The following CADPS2 variants were observed in gnomAD, a reference collection of about 807,000 sequenced individuals.
CADPS2 encodes the protein calcium-dependent secretion activator 2.
CADPS2 carries 93 observed loss-of-function variants against 172.5 expected under a neutral mutation model. The ratio of observed to expected loss-of-function variants is 0.54; its 90% CI spans 0.46 to 0.64. CADPS2 has a LOEUF of 0.64. CADPS2 is among the 30% of genes least tolerant of loss of function. The pLI is 0.00. For missense variants in CADPS2, 1,420 were observed against 1,565.9 expected (o/e 0.91, Z 1.57); for synonymous variants, 546 against 555.2 (o/e 0.98, Z 0.23).
At position 122,886,154 on chromosome 7, in the gene CADPS2, A is replaced by AGGG; in HGVS notation, c.181_183dup (p.Pro61dup). The AGGG allele has an allele frequency of 1.9e-6, 3 of 1,542,382 alleles. No individual in the cohort carries two copies. Among genetic ancestry groups the AGGG allele is most frequent in the Non-Finnish European group, 2.6e-6 (3 of 1,144,304 alleles). On this transcript the variant is annotated inframe_insertion, in exon 1 of 30. Transcript: ENST00000449022. ...TCGTCTCGCCCCTCGCTGAGCACAG[A>AGGG]GGGGCTCGGGCTCACAGATCTGGCC...
chr7:122,513,509 G>T (rs2060146366), intron 8 of CADPS2, among the ~76,000 whole-genome samples, 194 bp from the exon 9 acceptor site: 3 of 152,184 alleles, frequency 2.0e-5, no homozygotes, highest in Admixed American at 2.0e-4. Flanking sequence ...TCTCGAAAGG[G>T]AATTGATTTA....
chr7:122,497,634 AG>A (rs1563513432), intron 9 of CADPS2, among the ~76,000 whole-genome samples: 1 of 152,156 alleles, frequency 6.6e-6, no homozygotes, highest in Non-Finnish European at 1.5e-5. Flanking sequence ...TCATTATTAA[AG>A]TATATGATCT....
intron 2 of CADPS2, among the ~76,000 whole-genome samples, chr7:122,725,019 G>A (rs1006056518): frequency 2.0e-5 from 3 of 151,998 alleles, no homozygotes; most frequent in East Asian, 3.9e-4. Context: ...CATTAACAAA[G>A]TTTAAAAAGG....
chr7:122,806,707 T>TC (rs2140079603), intron 1 of CADPS2, among the ~76,000 whole-genome samples: 1 of 152,302 alleles, frequency 6.6e-6, no homozygotes, highest in South Asian at 2.1e-4. Flanking sequence ...GCTAAGAATT[T>TC]CCCCCAGACC....
chr7:122,424,751 C>G (rs557575093), intron 17 of CADPS2, among the ~76,000 whole-genome samples: 1 of 150,058 alleles, frequency 6.7e-6, no homozygotes, highest in East Asian at 2.0e-4. Flanking sequence ...TCATTGAGAC[C>G]TTGGCTCTCC....
intron 6 of CADPS2, among the ~76,000 whole-genome samples, chr7:122,592,595 C>G (rs897311568): frequency 1.3e-5 from 2 of 152,054 alleles, no homozygotes; most frequent in African/African-American, 2.4e-5. Flanking sequence ...ACCCAAATGT[C>G]CATCAATGAT....
chr7:122,530,079 T>C (rs1017452419), intron 8 of CADPS2, among the ~76,000 whole-genome samples: 1 of 152,098 alleles, frequency 6.6e-6, no homozygotes, highest in African/African-American at 2.4e-5. Context: ...GATATCCTCA[T>C]ACTTAATACA....
intron 1 of CADPS2, among the ~76,000 whole-genome samples, chr7:122,881,206 A>G (rs1468732682): frequency 1.3e-5 from 2 of 152,302 alleles, no homozygotes; most frequent in East Asian, 3.9e-4. Context: ...AGGCAAACAA[A>G]ACGAAACTGA....
intron 11 of CADPS2, among the ~76,000 whole-genome samples, chr7:122,488,426 C>G (rs1436370570): frequency 6.6e-6 from 1 of 152,180 alleles, no homozygotes; most frequent in African/African-American, 2.4e-5. Context: ...CTGGGGAATA[C>G]CCAACAAGTT....
chr7:122,419,463 T>C (rs2048303831), intron 17 of CADPS2, among the ~76,000 whole-genome samples: 1 of 152,336 alleles, frequency 6.6e-6, no homozygotes, highest in African/African-American at 2.4e-5. Context: ...ATCACTTATC[T>C]TTCTTAATTT....
intron 7 of CADPS2, among the ~76,000 whole-genome samples, chr7:122,566,591 CTTATT>C (rs1213161475): frequency 6.6e-6 from 1 of 151,988 alleles, no homozygotes; most frequent in African/African-American, 2.4e-5. Flanking sequence ...ATACACAGGA[CTTATT>C]TTATTAATAT....
chr7:122,749,961 TAAAAA>T (rs34910927), intron 1 of CADPS2, among the ~76,000 whole-genome samples: 1 of 133,948 alleles, frequency 7.5e-6, no homozygotes, highest in Non-Finnish European at 1.6e-5. Context: ...CCTGTGAGGT[TAAAAA>T]AAAAAAAAAA....
At chr7:122,744,031 C>T (rs946582406) in intron 1 of CADPS2, among the ~76,000 whole-genome samples, 1 of 152,206 alleles carries the variant, frequency 6.6e-6, no homozygotes, top group East Asian at 1.9e-4. Context: ...CCATCTAATT[C>T]TACAAATATC....
intron 14 of CADPS2, among the ~76,000 whole-genome samples, chr7:122,456,320 G>T (rs961346513): frequency 6.6e-6 from 1 of 151,946 alleles, no homozygotes; most frequent in Non-Finnish European, 1.5e-5. Context: ...TGAATGTTAA[G>T]TGGGACTTAA....
chr7:122,648,500 CAAG>C (rs1563959127), intron 3 of CADPS2, among the ~76,000 whole-genome samples: 1 of 152,018 alleles, frequency 6.6e-6, no homozygotes, highest in Non-Finnish European at 1.5e-5. Flanking sequence ...TGTTGCTTCA[CAAG>C]AAGAGGAACC....
At chr7:122,764,613 CAG>C (rs1562962209) in intron 1 of CADPS2, among the ~76,000 whole-genome samples, 2 of 151,878 alleles carry the variant, frequency 1.3e-5, no homozygotes, top group Non-Finnish European at 2.9e-5. Context: ...GGTATAGCAA[CAG>C]AGAGGGAGAG....
At chr7:122,489,981 A>C in intron 11 of CADPS2, 100 bp downstream of exon 11, 1 of 957,206 alleles carries the variant, frequency 1.0e-6, no homozygotes, top group Non-Finnish European at 1.6e-6. Flanking sequence ...ATTAGGAATC[A>C]ATTAATGATG....
At chr7:122,813,040 C>T (rs531288830) in intron 1 of CADPS2, among the ~76,000 whole-genome samples, 33 of 152,248 alleles carry the variant, frequency 2.2e-4, no homozygotes, top group Non-Finnish European at 5.9e-5. Context: ...CAGGAAAAGC[C>T]TCAATAACAG....
At chr7:122,409,468 CT>C (rs543909692) in intron 19 of CADPS2, 2,317 of 249,498 alleles carry the variant, frequency 9.3e-3, no homozygotes, top group South Asian at 0.017. Flanking sequence ...ATGGAATACA[CT>C]TTTTTTTTTT....
Sources: gnomAD v4.1 joint callset for allele counts (sites outside exome capture counted in the v4.1 genomes callset) on GRCh38, gnomAD v4.1.1 for gene constraint, MANE v1.5 for transcripts, NCBI Gene and HGNC (gene_info 2026-07-23, HGNC 2026-07-21) for gene names.